Variants in CLSTN2 observed in about 807,000 individuals in gnomAD.
CLSTN2 encodes calsyntenin-2.
Under a neutral mutation model 101.2 loss-of-function variants are expected in CLSTN2, and 48 were observed. The ratio of observed to expected loss-of-function variants is 0.47; its 90% confidence interval spans 0.38 to 0.60. CLSTN2 has a LOEUF of 0.60. Ranked by LOEUF, CLSTN2 falls within the 20% of genes least tolerant of loss-of-function variation. The pLI is 0.00. For missense variants in CLSTN2, 1,160 were observed against 1,238.2 expected (o/e 0.94, Z 0.95); for synonymous variants, 481 against 463.6 (o/e 1.04, Z -0.48).
chr3:140,430,801 A>C (rs1374949082), intron 5 of CLSTN2, among the ~76,000 whole-genome samples: 4 of 152,220 alleles, frequency 2.6e-5, no homozygotes, highest in African/African-American at 9.6e-5. Flanking sequence ...CCTGTGAGAT[A>C]AGCAATTCTA....
intron 8 of CLSTN2, among the ~76,000 whole-genome samples, chr3:140,486,868 C>G (rs1469848058): frequency 2.6e-5 from 4 of 152,188 alleles, no homozygotes; most frequent in Non-Finnish European, 5.9e-5. Flanking sequence ...TGGCATGAAA[C>G]AGGATTCTCG....
At chr3:140,459,470 TGAG>T (rs753824252) in intron 6 of CLSTN2, 48 bp from the exon 7 acceptor site, 1 of 1,600,872 alleles carries the variant, frequency 6.2e-7, no homozygotes, top group Non-Finnish European at 8.5e-7. Flanking sequence ...AGAAAACAGA[TGAG>T]GACACCGCAT....
At chr3:140,324,998 G>A (rs1323898672) in intron 2 of CLSTN2, among the ~76,000 whole-genome samples, 2 of 152,200 alleles carry the variant, frequency 1.3e-5, no homozygotes. Flanking sequence ...AAAGAGGATT[G>A]GCATGCATCC....
At chr3:139,983,678 CTT>C (rs1270463432) in intron 1 of CLSTN2, among the ~76,000 whole-genome samples, 1 of 151,946 alleles carries the variant, frequency 6.6e-6, no homozygotes, top group African/African-American at 2.4e-5. Context: ...CAAAATGCCT[CTT>C]TCTTTCAATA....
At chr3:140,100,147 CT>C (rs34115783) in intron 1 of CLSTN2, among the ~76,000 whole-genome samples, 12,398 of 145,248 alleles carry the variant, frequency 0.085, 493 homozygotes, top group East Asian at 0.17. Flanking sequence ...TTGCATTTCT[CT>C]TTTTTTTTTT....
At chr3:140,198,491 T>A (rs544128978) in intron 2 of CLSTN2, among the ~76,000 whole-genome samples, 1 of 152,322 alleles carries the variant, frequency 6.6e-6, no homozygotes, top group South Asian at 2.1e-4. Context: ...GCTCACCAGC[T>A]GTTGGCAGAA....
intron 2 of CLSTN2, among the ~76,000 whole-genome samples, chr3:140,314,094 G>A (rs907933289): frequency 6.6e-6 from 1 of 152,180 alleles, no homozygotes; most frequent in African/African-American, 2.4e-5. Context: ...GACAGACCCT[G>A]GACATTTCCC....
chr3:140,138,975 G>A (rs759455949), intron 1 of CLSTN2, among the ~76,000 whole-genome samples: 1 of 152,212 alleles, frequency 6.6e-6, no homozygotes, highest in African/African-American at 2.4e-5. Context: ...CTCCAGCTTC[G>A]TAATTTACTA....
At chr3:140,019,708 G>A (rs1224170523) in intron 1 of CLSTN2, among the ~76,000 whole-genome samples, 4 of 152,206 alleles carry the variant, frequency 2.6e-5, no homozygotes, top group Non-Finnish European at 5.9e-5. Flanking sequence ...TGTGAGTAGG[G>A]AGACTGGGTT....
At chr3:140,064,891 A>T (rs1026443198) in intron 1 of CLSTN2, among the ~76,000 whole-genome samples, 29 of 152,224 alleles carry the variant, frequency 1.9e-4, no homozygotes, top group African/African-American at 6.5e-4. Context: ...AAGATTAAAG[A>T]TGACAAAGGG....
At chr3:140,010,976 C>T (rs917301915) in intron 1 of CLSTN2, among the ~76,000 whole-genome samples, 1 of 152,164 alleles carries the variant, frequency 6.6e-6, no homozygotes, top group Non-Finnish European at 1.5e-5. Context: ...CTGGGGGTTA[C>T]AGTGAGCATC....
intron 2 of CLSTN2, among the ~76,000 whole-genome samples, chr3:140,184,506 A>G (rs535360106): frequency 1.3e-5 from 2 of 152,244 alleles, no homozygotes; most frequent in South Asian, 2.1e-4. Flanking sequence ...CACCCCCATG[A>G]GCCAGTCAGC....
At chr3:139,936,738 C>T (rs1353796959) in intron 1 of CLSTN2, among the ~76,000 whole-genome samples, 2 of 152,116 alleles carry the variant, frequency 1.3e-5, no homozygotes, top group African/African-American at 4.8e-5. Flanking sequence ...ACTGGCCCTC[C>T]AATAACTTAG....
intron 2 of CLSTN2, among the ~76,000 whole-genome samples, chr3:140,337,677 T>A (rs1265054738): frequency 2.6e-5 from 4 of 152,168 alleles, no homozygotes; most frequent in Non-Finnish European, 5.9e-5. Flanking sequence ...TACCACCAGG[T>A]CATGGGGCTG....
intron 2 of CLSTN2, among the ~76,000 whole-genome samples, chr3:140,228,455 T>A (rs545155301): frequency 1.1e-4 from 17 of 152,332 alleles, no homozygotes; most frequent in Non-Finnish European, 2.4e-4. Flanking sequence ...TCTAGGAAGT[T>A]CCAAACTTTC....
intron 1 of CLSTN2, among the ~76,000 whole-genome samples, chr3:140,033,340 T>C (rs2007594651): frequency 6.6e-6 from 1 of 152,218 alleles, no homozygotes; most frequent in Non-Finnish European, 1.5e-5. Flanking sequence ...ATAATTTTTA[T>C]TGAGTGCCTT....
intron 2 of CLSTN2, among the ~76,000 whole-genome samples, chr3:140,251,668 C>A (rs935955884): frequency 8.6e-6 from 1 of 116,898 alleles, no homozygotes; most frequent in African/African-American, 3.5e-5. Flanking sequence ...TCCCTTTTTC[C>A]TTCCTTGTTT....
At chr3:139,994,422 G>T (rs1051248183) in intron 1 of CLSTN2, among the ~76,000 whole-genome samples, 2 of 152,178 alleles carry the variant, frequency 1.3e-5, no homozygotes, top group African/African-American at 4.8e-5. Context: ...TGAGGAAACT[G>T]AGAAATGATG....
At position 140,566,701 on chromosome 3, in the gene CLSTN2, G is replaced by A. The variant is rs1265858411; in HGVS notation, c.*448G>A. 5.1e-6 allele frequency: 1 copy of A among 194,490 alleles called. No individual in the cohort carries two copies. The highest frequency in any genetic ancestry group is 1.1e-5 in the Non-Finnish European group (1 of 91,278). The allele number at this position is 194,490 out of a possible 1,614,324, so 12.0% of individuals were successfully genotyped here. A position where few individuals can be genotyped will look rare whatever the true frequency, so the allele number is the denominator to read the frequency against. ...CTGACTCCAGGTTGCTTCATACAAGGAGGGTGGTTGAACTTCACACACGTA... is the reference window on the plus strand; with the variant it reads ...CTGACTCCAGGTTGCTTCATACAAGAAGGGTGGTTGAACTTCACACACGTA... On this transcript the variant is annotated 3_prime_UTR_variant, in exon 17 of 17. Coordinates refer to ENST00000458420, the MANE Select transcript of CLSTN2 (RefSeq NM_022131.3).
Sources: allele counts gnomAD v4.1 joint callset (sites outside exome capture counted in the v4.1 genomes callset), GRCh38; gene constraint gnomAD v4.1.1; transcripts MANE v1.5; gene names NCBI Gene and HGNC (gene_info 2026-07-23, HGNC 2026-07-21).